PIK3C2G: variants seen among roughly 807,000 people sequenced by gnomAD.
PIK3C2G encodes the protein phosphatidylinositol-4-phosphate 3-kinase catalytic subunit type 2 gamma.
In PIK3C2G, 168 loss-of-function variants were observed where a neutral mutation model predicts 181.1. That is an observed-to-expected ratio of 0.93 (90% CI 0.82 to 1.05). PIK3C2G has a LOEUF of 1.05. Among genes scored for constraint, PIK3C2G ranks in the 50% least tolerant of loss-of-function variants. PIK3C2G has a pLI of 0.00. For missense variants in PIK3C2G, 1,869 were observed against 1,732.8 expected (o/e 1.08, Z -1.40); for synonymous variants, 573 against 592.2 (o/e 0.97, Z 0.47).
chr12:18,723,279 T>A, the PIK3C2G span: 1 of 1,551,480 alleles, frequency 6.4e-7, no homozygotes. Context: ...CACATATAAA[T>A]ATTCCGATAA....
the PIK3C2G span, among the ~76,000 whole-genome samples, chr12:18,695,788 GTATAAA>G: frequency 6.6e-6 from 1 of 152,118 alleles, no homozygotes; most frequent in Non-Finnish European, 1.5e-5. Flanking sequence ...CTCATGTAAA[GTATAAA>G]TGATAGAGGT....
At chr12:18,354,495 A>G (rs1357515660) in intron 11 of PIK3C2G, among the ~76,000 whole-genome samples, 1 of 152,218 alleles carries the variant, frequency 6.6e-6, no homozygotes, top group African/African-American at 2.4e-5. Flanking sequence ...GGATGGATCA[A>G]TCCTACACTG....
chr12:18,281,104 G>A (rs1366014274), intron 1 of PIK3C2G, among the ~76,000 whole-genome samples: 1 of 151,822 alleles, frequency 6.6e-6, no homozygotes, highest in East Asian at 1.9e-4. Flanking sequence ...ATATCCAAAT[G>A]GAGCTATTGA....
intron 5 of PIK3C2G, among the ~76,000 whole-genome samples, chr12:18,309,461 G>T (rs965986090): frequency 6.6e-6 from 1 of 151,638 alleles, no homozygotes; most frequent in Non-Finnish European, 1.5e-5. Flanking sequence ...AGCTTAGCTT[G>T]TTCATTTTTG....
chr12:18,298,127 A>T (rs1481822098), intron 5 of PIK3C2G, among the ~76,000 whole-genome samples: 1 of 151,820 alleles, frequency 6.6e-6, no homozygotes, highest in Non-Finnish European at 1.5e-5. Flanking sequence ...GGTTGTAGTA[A>T]TTTACATTCT....
At chr12:18,321,135 G>C (rs1274038553) in intron 7 of PIK3C2G, 103 bp downstream of exon 7, 1 of 650,496 alleles carries the variant, frequency 1.5e-6, no homozygotes, top group African/African-American at 1.9e-5. Flanking sequence ...CATTCACTGG[G>C]ACTGTGGAAG....
chr12:18,285,418 A>G (rs1028825156), intron 2 of PIK3C2G: 2 of 152,092 alleles, frequency 1.3e-5, no homozygotes, highest in African/African-American at 4.8e-5. Flanking sequence ...AAGAGTGAAG[A>G]GTGATAGAAA....
chr12:18,418,550 T>G (rs956678996), intron 16 of PIK3C2G, among the ~76,000 whole-genome samples: 3 of 152,124 alleles, frequency 2.0e-5, no homozygotes, highest in Non-Finnish European at 4.4e-5. Flanking sequence ...ATAAAATAGT[T>G]TAAGGGATTT....
At chr12:18,585,030 G>T (rs999745179) in intron 29 of PIK3C2G, among the ~76,000 whole-genome samples, 1 of 152,100 alleles carries the variant, frequency 6.6e-6, no homozygotes, top group South Asian at 2.1e-4. Flanking sequence ...CCTTACAAGA[G>T]ATCGTGAAAG....
chr12:18,711,399 G>C, the PIK3C2G span, among the ~76,000 whole-genome samples: 8 of 101,542 alleles, frequency 7.9e-5, no homozygotes, highest in Non-Finnish European at 1.1e-4. Context: ...TGGGGGGAGG[G>C]GGGAGGGATA....
chr12:18,336,596 T>C (rs9300120), intron 8 of PIK3C2G, among the ~76,000 whole-genome samples: 1 of 152,128 alleles, frequency 6.6e-6, no homozygotes, highest in Non-Finnish European at 1.5e-5. Flanking sequence ...CATCACAATA[T>C]TGACTTACAT....
intron 24 of PIK3C2G, among the ~76,000 whole-genome samples, chr12:18,510,178 C>A (rs1420303776): frequency 1.3e-5 from 2 of 152,098 alleles, no homozygotes; most frequent in Non-Finnish European, 2.9e-5. Context: ...ACCATGTTGC[C>A]CAGGCTGGTC....
At chr12:18,685,108 G>A in the PIK3C2G span, among the ~76,000 whole-genome samples, 1 of 152,052 alleles carries the variant, frequency 6.6e-6, no homozygotes, top group Admixed American at 6.6e-5. Flanking sequence ...GACTAATACA[G>A]TCAGTCTTAT....
At chr12:18,370,396 C>T (rs796478122) in intron 12 of PIK3C2G, among the ~76,000 whole-genome samples, 12 of 152,284 alleles carry the variant, frequency 7.9e-5, no homozygotes, top group African/African-American at 2.9e-4. Context: ...AGGATCTGAG[C>T]TCGGAGAGTC....
At chr12:18,650,698 G>GTATA (rs1950434780), downstream of PIK3C2G, among the ~76,000 whole-genome samples, 2 of 29,110 alleles carry the variant, frequency 6.9e-5, no homozygotes, top group African/African-American at 1.3e-4. Context: ...GTGTGTGTGT[G>GTATA]TGTGTGTATA....
chr12:18,516,924 G>T (rs991679871), intron 24 of PIK3C2G, among the ~76,000 whole-genome samples: 1 of 151,524 alleles, frequency 6.6e-6, no homozygotes, highest in Non-Finnish European at 1.5e-5. Context: ...CCTTTAAGAA[G>T]ATTATTCTGA....
At chr12:18,338,088 C>T (rs1331360656) in intron 8 of PIK3C2G, among the ~76,000 whole-genome samples, 2 of 152,150 alleles carry the variant, frequency 1.3e-5, no homozygotes, top group Admixed American at 6.6e-5. Flanking sequence ...GCTTTCCCCA[C>T]ACTTCTTCCT....
Position 18,510,567 on chromosome 12 carries a change from T to A in PIK3C2G, c.3323+5106T>A, listed in dbSNP as rs1592449534. ...CTAGACAGTGTTTTCATATTCTATA[T>A]GGCCTTTCGCTTTGCTGATGCTAGC... is the stretch of plus-strand genomic sequence containing the variant. On this transcript the variant is annotated intron_variant, in intron 24 of 32. Transcript: ENST00000538779. Among the ~76,000 whole-genome samples, 3 of 152,236 alleles carry A rather than the reference T, an allele frequency of 2.0e-5. No individual in the cohort carries two copies. In the South Asian group the frequency reaches 6.2e-4, roughly 32 times the overall value.
intron 3 of PIK3C2G, among the ~76,000 whole-genome samples, chr12:18,288,086 T>C (rs541606182): frequency 2.0e-5 from 3 of 152,010 alleles, no homozygotes; most frequent in Non-Finnish European, 4.4e-5. Context: ...CACTTGGACC[T>C]GGGAGGTGGA....
Sources: gnomAD v4.1 joint callset for allele counts (sites outside exome capture counted in the v4.1 genomes callset) on GRCh38, gnomAD v4.1.1 for gene constraint, MANE v1.5 for transcripts, NCBI Gene and HGNC (gene_info 2026-07-23, HGNC 2026-07-21) for gene names.